COBL: variants seen among roughly 807,000 people sequenced by gnomAD.
The protein encoded by COBL is protein cordon-bleu.
In COBL, 51 loss-of-function variants were observed where a neutral mutation model predicts 98.8. That is an observed-to-expected ratio of 0.52 (90% confidence interval 0.41 to 0.65). The LOEUF is 0.65. Among genes scored for constraint, COBL ranks in the 30% least tolerant of loss-of-function variants. The pLI, the probability that COBL is intolerant of heterozygous loss-of-function variation, is 0.00. For synonymous variants in COBL, 634 were observed against 651.7 expected, an observed-to-expected ratio of 0.97 and a Z score of 0.41; for missense variants, 1,617 against 1,617.5, an observed-to-expected ratio of 1.00 and a Z score of 0.01.
intron 8 of COBL, among the ~76,000 whole-genome samples, chr7:51,039,120 T>A (rs968745435): frequency 1.2e-4 from 19 of 152,286 alleles, no homozygotes; most frequent in African/African-American, 4.6e-4. Flanking sequence ...GGTATATGTT[T>A]CAGGGGCACA....
chr7:51,295,113 C>A (rs1304539326), intron 1 of COBL, among the ~76,000 whole-genome samples: 1 of 151,854 alleles, frequency 6.6e-6, no homozygotes, highest in African/African-American at 2.4e-5. Flanking sequence ...GTGTTGAAAC[C>A]CCATCTCTAC....
At position 51,057,809 on chromosome 7, in the gene COBL, G is replaced by T. The variant is rs151047102; in HGVS notation, c.1097-14117C>A. On this transcript the variant is annotated intron_variant, in intron 7 of 12. Transcript: ENST00000265136. Reference sequence around the variant, plus strand: ...GGGGCTCCAGCCTTAGGGTTTCAGGGTCTGTCCCAGGGACTGGAAGTTGGA... The same window carrying T: ...GGGGCTCCAGCCTTAGGGTTTCAGGTTCTGTCCCAGGGACTGGAAGTTGGA... Among the ~76,000 whole-genome samples the T allele has an allele frequency of 6.1e-3, 927 of 152,208 alleles. 5 individuals carry two copies. Among genetic ancestry groups the T allele is most frequent in the Middle Eastern group, 0.01 (3 of 294 alleles).
At chr7:51,140,499 A>C (rs564033929) in intron 5 of COBL, among the ~76,000 whole-genome samples, 3 of 152,318 alleles carry the variant, frequency 2.0e-5, no homozygotes, top group Non-Finnish European at 4.4e-5. Context: ...CATGGGTCCT[A>C]ATTTTAAATT....
chr7:51,127,557 G>A (rs1010350329), intron 6 of COBL, among the ~76,000 whole-genome samples: 1 of 152,192 alleles, frequency 6.6e-6, no homozygotes, highest in Non-Finnish European at 1.5e-5. Flanking sequence ...GTTGTTGTGG[G>A]AACAGAGTGT....
chr7:51,100,425 A>C (rs1795706198), intron 6 of COBL, among the ~76,000 whole-genome samples: 1 of 152,192 alleles, frequency 6.6e-6, no homozygotes, highest in Non-Finnish European at 1.5e-5. Context: ...CAGGTTGGAA[A>C]CACTACCAAA....
intron 6 of COBL, among the ~76,000 whole-genome samples, chr7:51,086,171 C>T (rs1794218939): frequency 1.3e-5 from 2 of 151,814 alleles, no homozygotes; most frequent in African/African-American, 2.4e-5. Context: ...GATTAAAGAA[C>T]ATTGTGTATA....
chr7:51,203,540 T>C (rs1490650712), intron 2 of COBL, among the ~76,000 whole-genome samples: 2 of 150,674 alleles, frequency 1.3e-5, no homozygotes, highest in Non-Finnish European at 1.5e-5. Flanking sequence ...GAGGAGCTAT[T>C]ATAACAAATA....
intron 8 of COBL, among the ~76,000 whole-genome samples, chr7:51,036,782 A>G (rs1338216438): frequency 6.6e-6 from 1 of 152,180 alleles, no homozygotes; most frequent in Non-Finnish European, 1.5e-5. Flanking sequence ...GGCTCTGCAT[A>G]TGATTTCAGT....
chr7:51,116,186 A>C (rs2128983938), intron 6 of COBL, among the ~76,000 whole-genome samples: 1 of 152,240 alleles, frequency 6.6e-6, no homozygotes, highest in African/African-American at 2.4e-5. Flanking sequence ...TTAACATTTA[A>C]TGTAATTATT....
In COBL at chr7:51,028,196, G is replaced by C. The variant is rs1450101004; in HGVS notation, c.2900C>G (p.Pro967Arg). 3 of 1,614,138 alleles carry C rather than the reference G, an allele frequency of 1.9e-6. No homozygotes were observed. The highest frequency in any genetic ancestry group is 1.3e-5 in the African/African-American group (1 of 74,946). The part of the protein sequence containing the change: ...PHRKLSTQDR[P>R]AAIHRSSCFS... ...ACAGGAGCTTCTGTGGATAGCAGCAGGTCTGTCCTGAGTAGACAACTTCCT... is the reference window on the plus strand; with the variant it reads ...ACAGGAGCTTCTGTGGATAGCAGCACGTCTGTCCTGAGTAGACAACTTCCT... The change falls in exon 10 of 13, where the codon CCT becomes CGT. Residue 967 changes from proline (P) to arginine (R), a missense_variant. By Grantham distance (103) the Pro-to-Arg change is moderately radical. Transcript: ENST00000265136.
chr7:51,199,371 C>T (rs974519056), intron 2 of COBL, among the ~76,000 whole-genome samples: 6 of 152,128 alleles, frequency 3.9e-5, no homozygotes, highest in African/African-American at 1.2e-4. Flanking sequence ...GAGATGTCTG[C>T]TCCTTCAAAT....
At chr7:51,263,223 A>G (rs1797876381) in intron 1 of COBL, among the ~76,000 whole-genome samples, 1 of 152,052 alleles carries the variant, frequency 6.6e-6, no homozygotes, top group Non-Finnish European at 1.5e-5. Flanking sequence ...CACTGGGGAA[A>G]GGTGCAAGAG....
chr7:51,261,573 C>T (rs963766033), intron 1 of COBL, among the ~76,000 whole-genome samples: 16 of 152,260 alleles, frequency 1.1e-4, no homozygotes, highest in Admixed American at 7.2e-4. Flanking sequence ...GGAGAGCTGA[C>T]GCACCAGGGA....
At chr7:51,299,274 T>C (rs1801692945) in intron 1 of COBL, among the ~76,000 whole-genome samples, 1 of 152,236 alleles carries the variant, frequency 6.6e-6, no homozygotes, top group South Asian at 2.1e-4. Context: ...CCACTGCCTG[T>C]CTGCCCAGGA....
chr7:51,253,798 A>G (rs1796957017), intron 1 of COBL, among the ~76,000 whole-genome samples: 1 of 152,362 alleles, frequency 6.6e-6, no homozygotes, highest in South Asian at 2.1e-4. Context: ...CAATAAAGAT[A>G]TATGGTCAGA....
intron 11 of COBL, among the ~76,000 whole-genome samples, chr7:51,026,172 A>C (rs986802809): frequency 7.9e-5 from 12 of 152,216 alleles, no homozygotes; most frequent in South Asian, 2.1e-4. Context: ...CGCTATATTC[A>C]TGCAACAACT....
At chr7:51,269,522 G>A (rs552905160) in intron 1 of COBL, among the ~76,000 whole-genome samples, 2 of 152,340 alleles carry the variant, frequency 1.3e-5, no homozygotes, top group East Asian at 3.9e-4. Flanking sequence ...AGGACGTGGG[G>A]GGCAGAGGTG....
intron 1 of COBL, among the ~76,000 whole-genome samples, chr7:51,249,048 A>G (rs1796506253): frequency 1.3e-5 from 2 of 152,236 alleles, no homozygotes; most frequent in South Asian, 4.1e-4. Flanking sequence ...AGTATAATTT[A>G]TTTATCCAAG....
rs190095746 is a variant in COBL, at chr7:51,053,446, G to A, written c.1097-9754C>T. On this transcript the variant is annotated intron_variant, in intron 7 of 12. Transcript: ENST00000265136. The stretch of plus-strand genomic sequence containing the variant: ...AGTTCAGGGCATCTCACCCAGTCAG[G>A]AAGGCCTCCTCAAGCTGGCACACTG... Among the ~76,000 whole-genome samples, 892 of 152,278 alleles carry A rather than the reference G, an allele frequency of 5.9e-3. 38 individuals are homozygous for A. Among genetic ancestry groups the A allele is most frequent in the Non-Finnish European group, 1.3e-3 (91 of 68,026 alleles).
Sources: gnomAD v4.1 joint callset for allele counts (sites outside exome capture counted in the v4.1 genomes callset) on GRCh38, gnomAD v4.1.1 for gene constraint, MANE v1.5 for transcripts, NCBI Gene and HGNC (gene_info 2026-07-23, HGNC 2026-07-21) for gene names.